PRICKLE2: variants seen among roughly 807,000 people sequenced by gnomAD.
PRICKLE2 encodes prickle-like protein 2.
PRICKLE2 carries 21 observed loss-of-function variants against 81.4 expected under a neutral mutation model. That is an observed-to-expected ratio of 0.26 (90% confidence interval 0.18 to 0.37). The LOEUF (loss-of-function observed/expected upper bound fraction) is 0.37, where lower values mean the gene tolerates loss of function less well. Among genes scored for constraint, PRICKLE2 ranks in the 10% least tolerant of loss-of-function variants. PRICKLE2 has a pLI of 1.00. For synonymous variants in PRICKLE2, 456 were observed against 421.5 expected, an observed-to-expected ratio of 1.08 and a Z score of -1.00; for missense variants, 940 against 1,109.0, an observed-to-expected ratio of 0.85 and a Z score of 2.16.
intron 2 of PRICKLE2, among the ~76,000 whole-genome samples, chr3:64,194,752 T>A (rs2078416744): frequency 1.3e-5 from 2 of 152,220 alleles, no homozygotes; most frequent in African/African-American, 4.8e-5. Context: ...GAAATGAAAT[T>A]GAAGCCTTAA....
intron 7 of PRICKLE2, among the ~76,000 whole-genome samples, chr3:64,138,988 A>T (rs1334529710): frequency 6.6e-6 from 1 of 152,210 alleles, no homozygotes; most frequent in East Asian, 1.9e-4. Flanking sequence ...TAAATATAGA[A>T]ATGTTTTGCA....
At chr3:64,192,096 G>T (rs569254146) in intron 2 of PRICKLE2, among the ~76,000 whole-genome samples, 4 of 152,320 alleles carry the variant, frequency 2.6e-5, no homozygotes, top group African/African-American at 9.6e-5. Flanking sequence ...CAAATCTTTA[G>T]GAGCAGCCGA....
Position 64,160,057 on chromosome 3 carries a change from C to T in PRICKLE2, c.279G>A (p.Leu93=), listed in dbSNP as rs372960334. The part of the protein sequence containing the change: ...HDNEVRYCNS[L]DEEEKRELKL... ...TCAGCTCCCTCTTCTCTTCCTCATC[C>T]AGGGAGTTGCAATATCGAACCTGAA... Residue 93 remains leucine, a synonymous_variant, in exon 4 of 8, where the codon CTG becomes CTA. Coordinates refer to ENST00000638394, the MANE Select transcript of PRICKLE2 (RefSeq NM_198859.4). 4 of 1,614,164 alleles carry T rather than the reference C, an allele frequency of 2.5e-6. No individual in the cohort carries two copies. The South Asian group carries it at 4.4e-5, about 18-fold the overall frequency.
chr3:64,257,060 T>C (rs2079535707), intron 2 of PRICKLE2, among the ~76,000 whole-genome samples: 1 of 152,168 alleles, frequency 6.6e-6, no homozygotes, highest in South Asian at 2.1e-4. Flanking sequence ...CTGGGCAAAG[T>C]CACATACATG....
intron 7 of PRICKLE2, among the ~76,000 whole-genome samples, chr3:64,127,207 T>A (rs2077122484): frequency 6.6e-6 from 1 of 152,042 alleles, no homozygotes; most frequent in Non-Finnish European, 1.5e-5. Flanking sequence ...GAGGACAACA[T>A]CCAGGCAATA....
chr3:64,104,687 G>C (rs12497268), intron 7 of PRICKLE2: 23,148 of 152,216 alleles, frequency 0.15, 2,012 homozygotes, highest in East Asian at 0.31. Flanking sequence ...CAGAGCAGGA[G>C]GGTCCTGTTG....
chr3:64,121,099 G>A (rs2077017448), intron 7 of PRICKLE2, among the ~76,000 whole-genome samples: 1 of 152,160 alleles, frequency 6.6e-6, no homozygotes, highest in Admixed American at 6.5e-5. Context: ...CTGCACAGAT[G>A]GAATAAGCAG....
chr3:64,124,746 A>T lies in PRICKLE2; in HGVS notation c.1660+22084T>A, dbSNP rs374226213. Among the ~76,000 whole-genome samples the T allele has an allele frequency of 6.5e-4, 99 of 152,368 alleles. 2 individuals carry two copies. In the South Asian group the frequency reaches 0.02, roughly 31 times the overall value. ...AGCCCACTGTTGAGACCTACTGTTC[A>T]GAAGAAAAAATTCATTTCAAAATGT... On this transcript the variant is annotated intron_variant, in intron 7 of 7. Transcript: ENST00000638394.
At chr3:64,255,829 G>T (rs1244006116) in intron 2 of PRICKLE2, among the ~76,000 whole-genome samples, 5 of 152,178 alleles carry the variant, frequency 3.3e-5, no homozygotes, top group Non-Finnish European at 7.3e-5. Flanking sequence ...TAGTAGCATT[G>T]GGTGAGACAA....
intron 7 of PRICKLE2, among the ~76,000 whole-genome samples, chr3:64,133,839 T>A (rs1309094727): frequency 6.6e-6 from 1 of 152,172 alleles, no homozygotes; most frequent in Non-Finnish European, 1.5e-5. Flanking sequence ...GGGGTCAACA[T>A]GGGTCTGGAT....
intron 6 of PRICKLE2, among the ~76,000 whole-genome samples, chr3:64,151,416 G>A (rs1266658339): frequency 2.0e-5 from 3 of 152,168 alleles, no homozygotes; most frequent in African/African-American, 7.2e-5. Flanking sequence ...GCCAAAGGGC[G>A]AAAGAAAGAG....
intron 2 of PRICKLE2, among the ~76,000 whole-genome samples, chr3:64,179,949 A>C (rs13068250): frequency 0.34 from 51,430 of 152,036 alleles, 8,849 homozygotes; most frequent in Non-Finnish European, 0.38. Flanking sequence ...GTATTTGATG[A>C]ATCAATGAGC....
At chr3:64,125,959 T>TTG (rs967433950) in intron 7 of PRICKLE2, among the ~76,000 whole-genome samples, 118 of 152,318 alleles carry the variant, frequency 7.7e-4, no homozygotes, top group African/African-American at 2.7e-3. Flanking sequence ...AGTCTTTTTT[T>TTG]TTTGTTTGTT....
chr3:64,261,276 T>C (rs1435344872), intron 2 of PRICKLE2, among the ~76,000 whole-genome samples: 1 of 152,172 alleles, frequency 6.6e-6, no homozygotes, highest in African/African-American at 2.4e-5. Flanking sequence ...TAAAAATAAC[T>C]TAAAAATTTT....
intron 6 of PRICKLE2, among the ~76,000 whole-genome samples, chr3:64,150,972 T>C (rs1395700343): frequency 6.6e-6 from 1 of 152,212 alleles, no homozygotes; most frequent in African/African-American, 2.4e-5. Context: ...AGCGTTCTTT[T>C]TTTATTCCTT....
intron 7 of PRICKLE2, among the ~76,000 whole-genome samples, chr3:64,144,682 G>A (rs565113300): frequency 4.5e-4 from 69 of 152,366 alleles, no homozygotes; most frequent in Non-Finnish European, 9.3e-4. Context: ...CAAGCTATCA[G>A]TGGTGAAGGA....
chr3:64,157,812 T>C (rs555139813), intron 4 of PRICKLE2, among the ~76,000 whole-genome samples: 25 of 152,218 alleles, frequency 1.6e-4, no homozygotes, highest in Middle Eastern at 3.4e-3. Flanking sequence ...ACCTATACTT[T>C]TATATGGGAG....
intron 2 of PRICKLE2, among the ~76,000 whole-genome samples, chr3:64,251,127 T>A (rs887938678): frequency 4.6e-5 from 7 of 152,252 alleles, no homozygotes; most frequent in Non-Finnish European, 4.4e-5. Context: ...AATGAATCAA[T>A]CAATCAATCA....
intron 2 of PRICKLE2, among the ~76,000 whole-genome samples, chr3:64,184,641 T>TA (rs67135736): frequency 0.37 from 55,144 of 149,970 alleles, 11,615 homozygotes; most frequent in Admixed American, 0.48. Flanking sequence ...CTGACTGATT[T>TA]AAAAAAAAAA....
Sources: gnomAD v4.1 joint callset for allele counts (sites outside exome capture counted in the v4.1 genomes callset) on GRCh38, gnomAD v4.1.1 for gene constraint, MANE v1.5 for transcripts, NCBI Gene and HGNC (gene_info 2026-07-23, HGNC 2026-07-21) for gene names.